Variants in STX18 observed in about 807,000 individuals in gnomAD.
STX18 encodes the protein syntaxin-18.
STX18 carries 40 observed loss-of-function variants against 50.1 expected under a neutral mutation model. The ratio of observed to expected loss-of-function variants is 0.80; its 90% CI spans 0.62 to 1.04. STX18 has a LOEUF of 1.04. Among genes scored for constraint, STX18 ranks in the 50% least tolerant of loss-of-function variants. The pLI is 0.00. For missense variants in STX18, 410 were observed against 415.8 expected, an observed-to-expected ratio of 0.99 and a Z score of 0.12; for synonymous variants, 158 against 151.8, an observed-to-expected ratio of 1.04 and a Z score of -0.30.
intron 2 of STX18, among the ~76,000 whole-genome samples, chr4:4,465,219 A>G (rs1424104607): frequency 6.6e-6 from 1 of 152,154 alleles, no homozygotes; most frequent in African/African-American, 2.4e-5. Flanking sequence ...CAAAAATACC[A>G]TTTGACCCAG....
intron 1 of STX18, among the ~76,000 whole-genome samples, chr4:4,489,438 C>T (rs557684050): frequency 1.2e-4 from 10 of 80,356 alleles, no homozygotes; most frequent in Non-Finnish European, 2.3e-4. Flanking sequence ...TTGGTAGAGA[C>T]GAGGTCTTGC....
At chr4:4,517,284 TTTACTTCAG>T (rs1468826190) in intron 1 of STX18, among the ~76,000 whole-genome samples, 1 of 152,188 alleles carries the variant, frequency 6.6e-6, no homozygotes, top group Non-Finnish European at 1.5e-5. Context: ...ATTCCCAAAA[TTTACTTCAG>T]TTAGCTACTG....
At chr4:4,521,834 G>T (rs1453732778) in intron 1 of STX18, among the ~76,000 whole-genome samples, 1 of 152,102 alleles carries the variant, frequency 6.6e-6, no homozygotes, top group Non-Finnish European at 1.5e-5. Flanking sequence ...CCTCATGAGA[G>T]TATCAACTTT....
chr4:4,450,671 T>A (rs960980128), intron 5 of STX18, among the ~76,000 whole-genome samples: 2 of 152,088 alleles, frequency 1.3e-5, no homozygotes, highest in Non-Finnish European at 2.9e-5. Context: ...CCCCTCTCCA[T>A]CCCTCTCCAG....
intron 1 of STX18, among the ~76,000 whole-genome samples, chr4:4,476,689 T>C (rs1728191040): frequency 6.6e-6 from 1 of 152,204 alleles, no homozygotes; most frequent in Admixed American, 6.5e-5. Context: ...ATCTTTCTGT[T>C]TTTAGAATCC....
Position 4,438,381 on chromosome 4 carries a change from T to C in STX18, c.613+13A>G. On this transcript the variant is annotated intron_variant, in intron 6 of 10. Transcript: ENST00000306200. ...GAAGAAATGCAAGGTGAGATTTTCA[T>C]CTCAATTCGTACCTGGACGTTCTTC... is the stretch of plus-strand genomic sequence containing the variant. 1 of 1,592,826 alleles carries C rather than the reference T, an allele frequency of 6.3e-7. No individual in the cohort carries two copies. Among genetic ancestry groups the C allele is most frequent in the Non-Finnish European group, 8.6e-7 (1 of 1,163,530 alleles).
At chr4:4,438,154 C>A (rs990514177) in intron 6 of STX18, among the ~76,000 whole-genome samples, 7 of 152,214 alleles carry the variant, frequency 4.6e-5, no homozygotes, top group Non-Finnish European at 8.8e-5. Flanking sequence ...CTCCAGCAGG[C>A]CCTTTCTCCC....
rs141807308 is a variant in STX18, at chr4:4,472,568, A to G, written c.169-862T>C. Among the ~76,000 whole-genome samples, 23 of 152,322 alleles carry G rather than the reference A, an allele frequency of 1.5e-4. No individual in the cohort carries two copies. The East Asian group carries it at 4.4e-3, about 29-fold the overall frequency. On this transcript the variant is annotated intron_variant, in intron 1 of 10. Transcript: ENST00000306200. ...CTCTTCCATGGAAGTTTTTCTGTCA[A>G]GGCCAACCCAGGCTAATTTTCACTT...
chr4:4,456,534 G>A (rs1328791274), intron 5 of STX18, among the ~76,000 whole-genome samples: 1 of 152,190 alleles, frequency 6.6e-6, no homozygotes, highest in East Asian at 1.9e-4. Flanking sequence ...TGGCCCTCCT[G>A]CTTCCTGTGG....
rs753485407 is a variant in STX18 at position 4,541,832 on chromosome 4, G to A, written c.133C>T (p.Pro45Ser). ...RDELFRRSPR[P>S]KGDFSSRARE... Reference sequence around the variant, plus strand: ...GCCCGGCTGGAGAAGTCGCCCTTGGGCCGGGGGCTCCGGCGGAACAGCTCG... The same window carrying A: ...GCCCGGCTGGAGAAGTCGCCCTTGGACCGGGGGCTCCGGCGGAACAGCTCG... Residue 45 changes from proline (P) to serine (S), a missense_variant, in exon 1 of 11, where the codon CCC becomes TCC. Coordinates refer to ENST00000306200, the MANE Select transcript of STX18 (RefSeq NM_016930.4). 3.1e-6 allele frequency: 5 copies of A among 1,611,222 alleles called. No individual in the cohort carries two copies. The highest frequency in any genetic ancestry group is 4.2e-6 in the Non-Finnish European group (5 of 1,179,090).
intron 7 of STX18, among the ~76,000 whole-genome samples, chr4:4,433,387 G>A (rs1302486366): frequency 3.9e-5 from 6 of 151,980 alleles, no homozygotes; most frequent in Non-Finnish European, 8.8e-5. Context: ...ATTCCCCTGC[G>A]GAAGGCCGCA....
chr4:4,459,260 A>G, intron 3 of STX18, 112 bp downstream of exon 3: 1 of 771,522 alleles, frequency 1.3e-6, no homozygotes, highest in East Asian at 2.5e-5. Flanking sequence ...TAACGTTTTA[A>G]AACCTAAATC....
chr4:4,483,044 C>A (rs1728537161), intron 1 of STX18, among the ~76,000 whole-genome samples: 1 of 152,152 alleles, frequency 6.6e-6, no homozygotes, highest in African/African-American at 2.4e-5. Context: ...AAAGAGGAGA[C>A]TGACTTTTCT....
Position 4,541,830 on chromosome 4 carries a change from G to C in STX18, c.135C>G (p.Pro45=), listed in dbSNP as rs760171690. ...GGGCCCGGCTGGAGAAGTCGCCCTT[G>C]GGCCGGGGGCTCCGGCGGAACAGCT... The part of the protein sequence containing the change: ...RDELFRRSPR[P]KGDFSSRARE... Residue 45 remains proline (P), a synonymous_variant, in exon 1 of 11, where the codon CCC becomes CCG. Coordinates refer to ENST00000306200, the MANE Select transcript of STX18 (RefSeq NM_016930.4). 2.1e-5 allele frequency: 34 copies of C among 1,611,058 alleles called. No individual in the cohort carries two copies. Among genetic ancestry groups the C allele is most frequent in the Non-Finnish European group, 2.5e-5 (29 of 1,179,054 alleles).
chr4:4,461,414 T>C (rs553019180), intron 2 of STX18, among the ~76,000 whole-genome samples: 2 of 152,328 alleles, frequency 1.3e-5, no homozygotes, highest in East Asian at 3.9e-4. Flanking sequence ...TTACATGCTG[T>C]TCTGCTCTAG....
chr4:4,436,949 A>ATTT (rs1725814986), intron 6 of STX18, among the ~76,000 whole-genome samples: 1 of 106,398 alleles, frequency 9.4e-6, no homozygotes, highest in African/African-American at 4.7e-5. Flanking sequence ...GTCCAGACTC[A>ATTT]CTTTTTTTTT....
chr4:4,501,115 C>G (rs181213960), intron 1 of STX18, among the ~76,000 whole-genome samples: 10 of 152,282 alleles, frequency 6.6e-5, no homozygotes, highest in Admixed American at 4.6e-4. Context: ...TTTGTTTCTT[C>G]TAATTTTTCA....
At chr4:4,524,596 C>T (rs1041250950) in intron 1 of STX18, among the ~76,000 whole-genome samples, 1 of 151,848 alleles carries the variant, frequency 6.6e-6, no homozygotes, top group Non-Finnish European at 1.5e-5. Context: ...GTGGCTGCCA[C>T]AAAGCAAGGG....
At chr4:4,498,095 T>C (rs1729266159) in intron 1 of STX18, among the ~76,000 whole-genome samples, 1 of 152,222 alleles carries the variant, frequency 6.6e-6, no homozygotes, top group Non-Finnish European at 1.5e-5. Flanking sequence ...ATTAGGAAAT[T>C]CAAACTAAGT....
Sources: gnomAD v4.1 joint callset for allele counts (sites outside exome capture counted in the v4.1 genomes callset) on GRCh38, gnomAD v4.1.1 for gene constraint, MANE v1.5 for transcripts, NCBI Gene and HGNC (gene_info 2026-07-23, HGNC 2026-07-21) for gene names.